Variants in LARGE1 observed in about 807,000 individuals in gnomAD.
LARGE1 encodes the protein xylosyl- and glucuronyltransferase LARGE1.
In LARGE1, 43 loss-of-function variants were observed where a neutral mutation model predicts 87.6. That is an observed-to-expected ratio of 0.49 (90% CI 0.38 to 0.63). The LOEUF (loss-of-function observed/expected upper bound fraction) is 0.63. Among genes scored for constraint, LARGE1 ranks in the 30% least tolerant of loss-of-function variants. The pLI is 0.00. For missense variants in LARGE1, 802 were observed against 1,000.2 expected, an observed-to-expected ratio of 0.80 and a Z score of 2.67; for synonymous variants, 434 against 394.6, an observed-to-expected ratio of 1.10 and a Z score of -1.18.
intron 1 of LARGE1, among the ~76,000 whole-genome samples, chr22:33,842,421 T>C (rs949446378): frequency 6.6e-6 from 1 of 152,152 alleles, no homozygotes; most frequent in Admixed American, 6.5e-5. Context: ...CGGATTTTTA[T>C]ATATTCATCT....
In LARGE1 at chr22:33,682,959, T is replaced by C. The variant is rs532522215; in HGVS notation, c.107-32291A>G. On this transcript the variant is annotated intron_variant, in intron 2 of 14. Transcript: ENST00000397394. ...AGGTTAGTAATGAAAACAATGATGA[T>C]GGCAAAGACAAAGATGATGATAGAA... Among the ~76,000 whole-genome samples the C allele has an allele frequency of 2.0e-5, 3 of 152,328 alleles. No individual in the cohort carries two copies. In the East Asian group the frequency reaches 5.8e-4, roughly 29 times the overall value.
intron 6 of LARGE1, among the ~76,000 whole-genome samples, chr22:33,563,954 C>G (rs986042686): frequency 7.9e-5 from 12 of 152,034 alleles, no homozygotes; most frequent in African/African-American, 2.9e-4. Context: ...AAACAGAAAC[C>G]AACAGGAATA....
chr22:33,440,057 G>C (rs1355503020), intron 6 of LARGE1, among the ~76,000 whole-genome samples: 1 of 152,002 alleles, frequency 6.6e-6, no homozygotes, highest in Non-Finnish European at 1.5e-5. Flanking sequence ...TTTCCTCAGG[G>C]TAGCCCTGTG....
At chr22:33,071,439 C>T in the LARGE1 span, among the ~76,000 whole-genome samples, 1 of 152,188 alleles carries the variant, frequency 6.6e-6, no homozygotes, top group African/African-American at 2.4e-5. Flanking sequence ...CCTGGGCTGT[C>T]TCCTCCACTA....
chr22:33,355,255 A>G (rs1181572719), intron 9 of LARGE1, among the ~76,000 whole-genome samples: 3 of 152,168 alleles, frequency 2.0e-5, no homozygotes, highest in African/African-American at 7.2e-5. Flanking sequence ...CCTCTAAGCA[A>G]TATTGCACAG....
intron 3 of LARGE1, among the ~76,000 whole-genome samples, chr22:33,632,854 A>C (rs907877725): frequency 6.6e-6 from 1 of 152,202 alleles, no homozygotes; most frequent in African/African-American, 2.4e-5. Flanking sequence ...ATACTTTTTA[A>C]AAGCTTTACA....
intron 5 of LARGE1, among the ~76,000 whole-genome samples, chr22:33,573,433 T>C (rs990004607): frequency 6.6e-6 from 1 of 152,178 alleles, no homozygotes; most frequent in African/African-American, 2.4e-5. Flanking sequence ...AGCGAGACTC[T>C]GCTCAAAACA....
chr22:33,282,137 G>C (rs1028759218), intron 13 of LARGE1, among the ~76,000 whole-genome samples: 1 of 152,148 alleles, frequency 6.6e-6, no homozygotes, highest in Admixed American at 6.5e-5. Flanking sequence ...CTGAGGTCAG[G>C]AGTTCGAGAC....
intron 1 of LARGE1, among the ~76,000 whole-genome samples, chr22:33,779,039 C>G (rs77142503): frequency 7.0e-4 from 106 of 152,264 alleles, no homozygotes; most frequent in African/African-American, 2.5e-3. Context: ...TTATATTTGG[C>G]ATGCTTTTAC....
intron 6 of LARGE1, among the ~76,000 whole-genome samples, chr22:33,499,463 T>A (rs1298289343): frequency 6.6e-6 from 1 of 152,106 alleles, no homozygotes; most frequent in Non-Finnish European, 1.5e-5. Context: ...GGACTCTTCC[T>A]CTCTGAGAAA....
At chr22:33,917,223 G>A (rs1350600619) in intron 1 of LARGE1, among the ~76,000 whole-genome samples, 1 of 152,140 alleles carries the variant, frequency 6.6e-6, no homozygotes, top group East Asian at 1.9e-4. Flanking sequence ...AACTAAGCAG[G>A]CTCTTCTTGG....
intron 6 of LARGE1, among the ~76,000 whole-genome samples, chr22:33,484,144 G>C (rs2069464354): frequency 6.6e-6 from 1 of 152,158 alleles, no homozygotes; most frequent in African/African-American, 2.4e-5. Flanking sequence ...TTGGGGAAGA[G>C]TTTGATGTTC....
chr22:33,282,068 G>A (rs1171330673), intron 13 of LARGE1, among the ~76,000 whole-genome samples: 1 of 152,252 alleles, frequency 6.6e-6, no homozygotes, highest in African/African-American at 2.4e-5. Context: ...AGCAGGGCCA[G>A]GCGCAGTGGC....
chr22:33,429,224 C>T (rs1398321991), intron 7 of LARGE1, among the ~76,000 whole-genome samples: 1 of 152,098 alleles, frequency 6.6e-6, no homozygotes, highest in African/African-American at 2.4e-5. Flanking sequence ...TGGCACAATC[C>T]TTGGTTTTAA....
chr22:33,642,940 A>G (rs2080489848), intron 3 of LARGE1, among the ~76,000 whole-genome samples: 1 of 152,120 alleles, frequency 6.6e-6, no homozygotes, highest in African/African-American at 2.4e-5. Flanking sequence ...CTCCCACACA[A>G]TAATAGTGGG....
chr22:33,450,041 A>G (rs1601889560), intron 6 of LARGE1, among the ~76,000 whole-genome samples: 1 of 151,990 alleles, frequency 6.6e-6, no homozygotes, highest in East Asian at 2.0e-4. Flanking sequence ...CCTCCCAAGT[A>G]GCTGGAACTA....
chr22:33,444,263 C>T (rs1402089120), intron 6 of LARGE1, among the ~76,000 whole-genome samples: 1 of 152,192 alleles, frequency 6.6e-6, no homozygotes, highest in African/African-American at 2.4e-5. Context: ...TCTATCATAA[C>T]ACTGTTTTGA....
intron 6 of LARGE1, among the ~76,000 whole-genome samples, chr22:33,469,400 A>G (rs2068739498): frequency 6.6e-6 from 1 of 152,204 alleles, no homozygotes; most frequent in Non-Finnish European, 1.5e-5. Flanking sequence ...ATGGAGCTGG[A>G]TGCCATTATC....
intron 6 of LARGE1, among the ~76,000 whole-genome samples, chr22:33,544,113 G>T (rs1286393583): frequency 6.6e-6 from 1 of 152,184 alleles, no homozygotes; most frequent in Non-Finnish European, 1.5e-5. Context: ...ATTGTTGGGG[G>T]AATTGGCATG....
Sources: gnomAD v4.1 joint callset for allele counts (sites outside exome capture counted in the v4.1 genomes callset) on GRCh38, gnomAD v4.1.1 for gene constraint, MANE v1.5 for transcripts, NCBI Gene and HGNC (gene_info 2026-07-23, HGNC 2026-07-21) for gene names.